The following CD200R1 variants were observed in gnomAD, a reference collection of about 807,000 sequenced individuals.
CD200R1 encodes the protein CD200 receptor 1.
CD200R1 carries 30 observed loss-of-function variants against 38.1 expected under a neutral mutation model. That is an observed-to-expected ratio of 0.79 (90% CI 0.59 to 1.07). The LOEUF (loss-of-function observed/expected upper bound fraction) is 1.07. Ranked by LOEUF, CD200R1 falls within the 50% of genes least tolerant of loss-of-function variation. The pLI, the probability that CD200R1 is intolerant of heterozygous loss-of-function variation, is 0.00. For missense variants in CD200R1, 372 were observed against 415.4 expected (o/e 0.90, Z 0.91); for synonymous variants, 128 against 152.1 (o/e 0.84, Z 1.16).
intron 2 of CD200R1, among the ~76,000 whole-genome samples, chr3:112,939,881 A>C (rs1311810546): frequency 6.6e-6 from 1 of 151,048 alleles, no homozygotes; most frequent in East Asian, 1.9e-4. Context: ...AAAAAAAAAA[A>C]AAAACAAGCT....
At chr3:112,955,564 A>G (rs1941078095) in intron 1 of CD200R1, among the ~76,000 whole-genome samples, 1 of 147,352 alleles carries the variant, frequency 6.8e-6, no homozygotes, top group East Asian at 2.0e-4. Flanking sequence ...GCTGGAGTGC[A>G]GTGGCATGAT....
Position 112,921,881 on chromosome 3 carries a change from C to A in CD200R1, c.*1796G>T, listed in dbSNP as rs886090984. The A allele has an allele frequency of 2.6e-5, 4 of 151,956 alleles. No individual in the cohort carries two copies. Among genetic ancestry groups the A allele is most frequent in the Non-Finnish European group, 5.9e-5 (4 of 67,940 alleles). 9.4% of individuals were successfully genotyped at this position (151,956 alleles called of 1,614,324 possible). On this transcript the variant is annotated 3_prime_UTR_variant, in exon 8 of 8. Transcript: ENST00000308611. Reference sequence around the variant, plus strand: ...AAGAGGTAAGCATAGTACTGTCTTACTTTGTTTTTCAGTAATATTTAAACA... The same window carrying A: ...AAGAGGTAAGCATAGTACTGTCTTAATTTGTTTTTCAGTAATATTTAAACA...
Position 112,947,874 on chromosome 3 carries a change from T to C in CD200R1, c.118A>G (p.Lys40Glu). ...ACATTACCTAAAGCATGATTCTCCT[T>C]GCTAGTTTGCAGCATTAATGAGTTG... Reference protein sequence around the residue: ...PNNSLMLQTSKENHALASSSL... With the variant: ...PNNSLMLQTSEENHALASSSL... Residue 40 changes from lysine to glutamate, a missense_variant, in exon 2 of 8, where the codon AAG becomes GAG. Transcript: ENST00000308611. The C allele has an allele frequency of 6.2e-7, 1 of 1,612,632 alleles. No individual in the cohort carries two copies. The highest frequency in any genetic ancestry group is 8.5e-7 in the Non-Finnish European group (1 of 1,178,612).
At position 112,931,299 on chromosome 3, in the gene CD200R1, A is replaced by C. The variant is rs1304874946; in HGVS notation, c.137-128T>G. Reference sequence around the variant, plus strand: ...TTAACCATAATTAAAATTACACAAAAATCATTGTAAAACAGAAATTAGAAG... The same window carrying C: ...TTAACCATAATTAAAATTACACAAACATCATTGTAAAACAGAAATTAGAAG... On this transcript the variant is annotated intron_variant, in intron 2 of 7. Coordinates refer to ENST00000308611, the MANE Select transcript of CD200R1 (RefSeq NM_138806.4). 1.4e-5 allele frequency: 8 copies of C among 579,376 alleles called. No homozygotes were observed. In the East Asian group the frequency reaches 2.0e-4, roughly 14 times the overall value. The allele number at this position is 579,376 out of a possible 1,614,324, so 35.9% of individuals were successfully genotyped here.
chr3:112,923,784 A>G lies in CD200R1; in HGVS notation c.940T>C (p.Tyr314His). 2 of 1,592,136 alleles carry G rather than the reference A, an allele frequency of 1.3e-6. No homozygotes were observed. Among genetic ancestry groups the G allele is most frequent in the Non-Finnish European group, 1.7e-6 (2 of 1,170,182 alleles). ...PVVEEDEMQP[Y>H]ASYTEKNNPL... ...TTGTTCTTCTCTGTGTAGCTGGCAT[A>G]GGGCTGCATTTCATCCTAAGAAAGA... The change falls in exon 8 of 8, where the codon TAT (tyrosine) becomes CAT (histidine). Residue 314 changes from tyrosine (Y) to histidine (H), a missense_variant. Physicochemically the swap from Tyr to His is moderately conservative, Grantham distance 83. Coordinates refer to ENST00000308611, the MANE Select transcript of CD200R1 (RefSeq NM_138806.4).
At chr3:112,959,628 T>C (rs1932964445) in intron 1 of CD200R1, among the ~76,000 whole-genome samples, 1 of 152,136 alleles carries the variant, frequency 6.6e-6, no homozygotes, top group Non-Finnish European at 1.5e-5. Context: ...AAAAATATCC[T>C]GGCATTTTAC....
chr3:112,928,711 T>C, intron 5 of CD200R1, 105 bp downstream of exon 5: 1 of 815,640 alleles, frequency 1.2e-6, no homozygotes, highest in Non-Finnish European at 1.9e-6. Context: ...AAATGAAGAG[T>C]GGGGAGAGCA....
chr3:112,943,751 A>G (rs1940777206), intron 2 of CD200R1, among the ~76,000 whole-genome samples: 1 of 151,764 alleles, frequency 6.6e-6, no homozygotes, highest in South Asian at 2.1e-4. Context: ...ACAAGTTGCT[A>G]ATATCTGATA....
chr3:112,974,670 C>A (rs1368475115), intron 1 of CD200R1, 121 bp downstream of exon 1: 2 of 698,454 alleles, frequency 2.9e-6, no homozygotes, highest in African/African-American at 3.6e-5. Flanking sequence ...CCATATTTAG[C>A]AACCCCCTAT....
intron 2 of CD200R1, among the ~76,000 whole-genome samples, chr3:112,935,881 G>A (rs554016697): frequency 6.6e-6 from 1 of 152,248 alleles, no homozygotes; most frequent in South Asian, 2.1e-4. Context: ...TTGCTGCACA[G>A]ATCATTCCAT....
intron 1 of CD200R1, among the ~76,000 whole-genome samples, chr3:112,967,370 G>A (rs924787907): frequency 1.3e-5 from 2 of 151,974 alleles, no homozygotes; most frequent in African/African-American, 4.8e-5. Flanking sequence ...TTCTTACCTC[G>A]CTGTTTCTGT....
chr3:112,925,771 C>T (rs959360212), intron 5 of CD200R1, among the ~76,000 whole-genome samples: 9 of 152,044 alleles, frequency 5.9e-5, no homozygotes, highest in Non-Finnish European at 1.2e-4. Flanking sequence ...TTAATGTCTA[C>T]TAAAAATAAA....
chr3:112,930,758 G>C (rs746374247), intron 3 of CD200R1, among the ~76,000 whole-genome samples: 2 of 152,180 alleles, frequency 1.3e-5, no homozygotes, highest in Non-Finnish European at 2.9e-5. Context: ...GGTGTCACCT[G>C]TCTCTTACAT....
At chr3:112,939,952 G>GATTTTTTTT (rs1940687087) in intron 2 of CD200R1, among the ~76,000 whole-genome samples, 4 of 149,970 alleles carry the variant, frequency 2.7e-5, no homozygotes, top group African/African-American at 9.8e-5. Flanking sequence ...AAAACAGCAT[G>GATTTTTTTT]GTACTGGCAT....
At chr3:112,962,615 C>T (rs1933051389) in intron 1 of CD200R1, among the ~76,000 whole-genome samples, 1 of 152,092 alleles carries the variant, frequency 6.6e-6, no homozygotes, top group Non-Finnish European at 1.5e-5. Flanking sequence ...CTTATTGCCA[C>T]CCCAGACACT....
At chr3:112,929,113 A>G (rs970298609) in intron 4 of CD200R1, 49 bp from the exon 5 acceptor site, 3 of 1,612,524 alleles carry the variant, frequency 1.9e-6, no homozygotes, top group Non-Finnish European at 2.5e-6. Context: ...CACATAAAGC[A>G]TATGGAATTC....
intron 2 of CD200R1, among the ~76,000 whole-genome samples, chr3:112,945,935 A>C (rs977516133): frequency 6.7e-6 from 1 of 148,664 alleles, no homozygotes; most frequent in Non-Finnish European, 1.5e-5. Flanking sequence ...CCGGAGGCTG[A>C]GGCAGAAGAA....
intron 2 of CD200R1, 95 bp from the exon 3 acceptor site, chr3:112,931,266 GCAAT>G: frequency 1.4e-6 from 1 of 703,402 alleles, no homozygotes; most frequent in Non-Finnish European, 2.5e-6. Context: ...AACATGATAG[GCAAT>G]CAGTTAACCA....
At chr3:112,940,583 G>A (rs1194531554) in intron 2 of CD200R1, among the ~76,000 whole-genome samples, 1 of 151,756 alleles carries the variant, frequency 6.6e-6, no homozygotes, top group East Asian at 1.9e-4. Context: ...TCAAGGAAAT[G>A]TCAATTAAAA....
Sources: allele counts gnomAD v4.1 joint callset (sites outside exome capture counted in the v4.1 genomes callset), GRCh38; gene constraint gnomAD v4.1.1; transcripts MANE v1.5; gene names NCBI Gene and HGNC (gene_info 2026-07-23, HGNC 2026-07-21).